Variants in POLRMT observed in about 807,000 individuals in gnomAD.
POLRMT encodes DNA-directed RNA polymerase, mitochondrial.
POLRMT carries 114 observed loss-of-function variants against 132.2 expected under a neutral mutation model. The ratio of observed to expected loss-of-function variants is 0.86; its 90% CI spans 0.74 to 1.01. POLRMT has a LOEUF of 1.01. Among genes scored for constraint, POLRMT ranks in the 50% least tolerant of loss-of-function variants. POLRMT has a pLI of 0.00. For synonymous variants in POLRMT, 1,020 were observed against 773.4 expected (o/e 1.32, Z -5.29); for missense variants, 2,003 against 1,729.1 (o/e 1.16, Z -2.81).
chr19:619,228 C>T lies in POLRMT; in HGVS notation c.3135G>A (p.Ser1045=), dbSNP rs148431777. 5.7e-5 allele frequency: 91 copies of T among 1,610,374 alleles called. 1 individual carries two copies. Among genetic ancestry groups the T allele is most frequent in the South Asian group, 4.4e-4 (40 of 90,858 alleles). ...QVFKSLQEMF[S]GTRAIQHWLT... ...GACGTACCTGGATGGCCCGGGTCCC[C>T]GAGAACATCTCCTGTAGACTCTTGA... is the stretch of plus-strand genomic sequence containing the variant. The change falls in exon 14 of 21, where the codon TCG becomes TCA. Residue 1045 remains serine, a synonymous_variant. Transcript: ENST00000588649.
At chr19:617,968 C>T in intron 17 of POLRMT, 119 bp from the exon 18 acceptor site, 1 of 829,134 alleles carries the variant, frequency 1.2e-6, no homozygotes, top group South Asian at 1.6e-5. Context: ...CACCCTCCTG[C>T]AGGCCTCGCC....
In POLRMT at chr19:617,487, T is replaced by A; in HGVS notation, c.3582-7A>T. ...CTCCAAGATCTTCTGGGGCCTGGGG[T>A]TGGAAGCAGGGTGGGGTGAGGCTGA... On this transcript the variant is annotated splice_region_variant and splice_polypyrimidine_tract_variant and intron_variant, in intron 19 of 20. Transcript: ENST00000588649. 6.2e-7 allele frequency: 1 copy of A among 1,610,136 alleles called. No homozygotes were observed. The highest frequency in any genetic ancestry group is 8.5e-7 in the Non-Finnish European group (1 of 1,179,076).
intron 9 of POLRMT, 103 bp downstream of exon 9, chr19:622,046 C>T (rs1435803788): frequency 6.5e-6 from 8 of 1,225,900 alleles, no homozygotes; most frequent in South Asian, 1.5e-5. Flanking sequence ...GAGGTACTGA[C>T]GGCTGCGCTG....
In POLRMT at chr19:617,837, G is replaced by A. The variant is rs75913143; in HGVS notation, c.3435C>T (p.Thr1145=). Residue 1145 remains threonine (T), a synonymous_variant, in exon 18 of 21, where the codon ACC becomes ACT. Transcript: ENST00000588649. ...TALHCYRKGL[T]FVSVHDCYWT... ...AGTAACAGTCGTGCACAGAGACGAA[G>A]GTCAGGCCCTTCCTGTGGCAGAGCG... is the stretch of plus-strand genomic sequence containing the variant. 1.4e-4 allele frequency: 225 copies of A among 1,613,228 alleles called. 1 individual carries two copies. In the South Asian group the frequency reaches 1.6e-3, roughly 12 times the overall value.
intron 4 of POLRMT, 43 bp from the exon 5 acceptor site, chr19:624,948 G>A (rs199996133): frequency 4.1e-5 from 65 of 1,571,466 alleles, no homozygotes; most frequent in African/African-American, 1.3e-4. Context: ...CCAGCCCCAC[G>A]CTGGGCTTCC....
intron 11 of POLRMT, 118 bp from the exon 12 acceptor site, chr19:620,198 C>A (rs541768498): frequency 5.4e-6 from 8 of 1,473,268 alleles, no homozygotes; most frequent in Middle Eastern, 1.7e-4. Flanking sequence ...CCAAGTGCAC[C>A]GGAGCCCCCG....
Position 617,633 on chromosome 19 carries a change from C to A in POLRMT, c.3518G>T (p.Arg1173Leu), listed in dbSNP as rs761647797. ...MNQVCREQFV[R>L]LHSEPILQDL... ...CTGCAGGATGGGCTCGCTGTGCAAGCGGACAAACTGCTCCCGGCACACCTG... is the reference window on the plus strand; with the variant it reads ...CTGCAGGATGGGCTCGCTGTGCAAGAGGACAAACTGCTCCCGGCACACCTG... Residue 1173 changes from arginine (R) to leucine (L), a missense_variant, in exon 19 of 21, where the codon CGC becomes CTC. Arg to Leu is a moderately radical substitution (Grantham distance 102). Coordinates refer to ENST00000588649, the MANE Select transcript of POLRMT (RefSeq NM_005035.4). The A allele has an allele frequency of 2.5e-6, 4 of 1,612,324 alleles. No homozygotes were observed. In the Admixed American group the frequency reaches 5.0e-5, roughly 20 times the overall value.
intron 6 of POLRMT, among the ~76,000 whole-genome samples, 191 bp from the exon 7 acceptor site, chr19:623,176 G>C (rs1024158508): frequency 2.6e-5 from 4 of 152,222 alleles, no homozygotes; most frequent in Admixed American, 6.5e-5. Flanking sequence ...AAGAGCAAAA[G>C]CCCAGCTGCA....
rs1384764212 is a variant in POLRMT at position 629,756 on chromosome 19, C to G, written c.606G>C (p.Leu202=). 6.4e-7 allele frequency: 1 copy of G among 1,569,946 alleles called. No individual in the cohort carries two copies. The part of the protein sequence containing the change: ...ARLLQEAPGK[L]SLDVEQAPSG... ...ACGGGGCCTGCTCCACATCGAGGCT[C>G]AGCTTCCCAGGGGCCTCCTGCAGCA... Residue 202 remains leucine (L), a synonymous_variant, in exon 3 of 21, where the codon CTG becomes CTC. Coordinates refer to ENST00000588649, the MANE Select transcript of POLRMT (RefSeq NM_005035.4).
intron 11 of POLRMT, 27 bp downstream of exon 11, chr19:620,338 C>G: frequency 6.5e-7 from 1 of 1,548,012 alleles, no homozygotes; most frequent in South Asian, 1.2e-5. Context: ...ACTGCACGGC[C>G]TCGGGGGCCA....
intron 3 of POLRMT, among the ~76,000 whole-genome samples, chr19:628,535 T>C (rs1985183661): frequency 6.6e-6 from 1 of 152,218 alleles, no homozygotes; most frequent in Non-Finnish European, 1.5e-5. Context: ...GTCTTAATAT[T>C]GCGATATCTG....
At position 621,214 on chromosome 19, in the gene POLRMT, G is replaced by A; in HGVS notation, c.2484C>T (p.Ala828=). 2 of 1,610,220 alleles carry A rather than the reference G, an allele frequency of 1.2e-6. No homozygotes were observed. The highest frequency in any genetic ancestry group is 1.1e-5 in the South Asian group (1 of 90,990). The change falls in exon 10 of 21, where the codon GCC becomes GCT. Residue 828 remains alanine, a synonymous_variant. Transcript: ENST00000588649. ...CGTGCGGGCCGAGCGGGCGGCCCTG[G>A]GCGAACTCCAGCAGGGCCCGCGCCA... ...SDVARALLEF[A]QGRPLGPHGL...
rs988161909 is a variant in POLRMT at position 620,447 on chromosome 19, G to A, written c.2681C>T (p.Thr894Met). The change falls in exon 11 of 21, where the codon ACG becomes ATG. Residue 894 changes from threonine to methionine, a missense_variant. Physicochemically the swap from Thr to Met is moderately conservative, Grantham distance 81. Coordinates refer to ENST00000588649, the MANE Select transcript of POLRMT (RefSeq NM_005035.4). The stretch of plus-strand genomic sequence containing the variant: ...CGCCACCTCCATACAGCAGGCCAGC[G>A]TCTGCCAGGGTTCCTCCGCGCCCAT... ...WWMGAEEPWQ[T>M]LACCMEVANA... is the part of the protein sequence containing the mutation. 6.9e-6 allele frequency: 11 copies of A among 1,600,058 alleles called. No individual in the cohort carries two copies. Among genetic ancestry groups the A allele is most frequent in the African/African-American group, 1.3e-5 (1 of 74,646 alleles).
intron 3 of POLRMT, among the ~76,000 whole-genome samples, chr19:626,499 A>AT (rs1377707413): frequency 2.7e-5 from 4 of 147,526 alleles, no homozygotes; most frequent in Non-Finnish European, 6.0e-5. Context: ...TTTTCATTTA[A>AT]TTTTTGGCCA....
At chr19:624,945 C>CA (rs1366051191) in intron 4 of POLRMT, 40 bp from the exon 5 acceptor site, 12 of 1,574,424 alleles carry the variant, frequency 7.6e-6, no homozygotes, top group Non-Finnish European at 1.0e-5. Flanking sequence ...GGGCCAGCCC[C>CA]ACGCTGGGCT....
intron 4 of POLRMT, 64 bp downstream of exon 4, chr19:625,060 T>A (rs1263220805): frequency 6.4e-7 from 1 of 1,564,168 alleles, no homozygotes; most frequent in Admixed American, 1.8e-5. Context: ...CCAGGCACCG[T>A]CCCAGATCTT....
At chr19:623,966 T>TA (rs1984832395) in intron 5 of POLRMT, among the ~76,000 whole-genome samples, 1 of 152,110 alleles carries the variant, frequency 6.6e-6, no homozygotes, top group Admixed American at 6.5e-5. Context: ...ATAGATGAAT[T>TA]AAAAATAACA....
chr19:631,170 C>A (rs1312769403), intron 2 of POLRMT, among the ~76,000 whole-genome samples: 1 of 150,976 alleles, frequency 6.6e-6, no homozygotes, highest in Non-Finnish European at 1.5e-5. Context: ...AAAAAAAAGA[C>A]TGTTGAAATA....
chr19:618,829 G>T, intron 15 of POLRMT, 69 bp from the exon 16 acceptor site: 1 of 1,504,386 alleles, frequency 6.6e-7, no homozygotes, highest in Non-Finnish European at 9.0e-7. Context: ...TGAGGTGGTG[G>T]TACACTGGGG....
Sources: allele counts gnomAD v4.1 joint callset (sites outside exome capture counted in the v4.1 genomes callset), GRCh38; gene constraint gnomAD v4.1.1; transcripts MANE v1.5; gene names NCBI Gene and HGNC (gene_info 2026-07-23, HGNC 2026-07-21).